TMEM182: variants seen among roughly 807,000 people sequenced by gnomAD.
TMEM182 encodes transmembrane protein 182.
In TMEM182, 20 loss-of-function variants were observed where a neutral mutation model predicts 26.8. The observed-to-expected ratio is 0.75, with a 90% CI of 0.53 to 1.09. The LOEUF is 1.09. Among genes scored for constraint, TMEM182 ranks in the 50% least tolerant of loss-of-function variants. TMEM182 has a pLI of 0.00. For missense variants in TMEM182, 277 were observed against 275.5 expected (o/e 1.01, Z -0.04); for synonymous variants, 109 against 102.2 (o/e 1.07, Z -0.40).
intron 3 of TMEM182, among the ~76,000 whole-genome samples, chr2:102,842,872 C>G (rs1461247136): frequency 6.6e-6 from 1 of 152,130 alleles, no homozygotes; most frequent in East Asian, 1.9e-4. Flanking sequence ...ACCACCCTCC[C>G]TTTGGGTGGT....
intron 3 of TMEM182, among the ~76,000 whole-genome samples, chr2:102,796,519 T>C (rs991841831): frequency 6.6e-5 from 10 of 152,200 alleles, no homozygotes; most frequent in Non-Finnish European, 1.3e-4. Flanking sequence ...CCTAATAAAC[T>C]ATGGTAGGAC....
chr2:102,775,874 T>C lies in TMEM182; in HGVS notation c.331+11447T>C, dbSNP rs997408207. ...TTCAAGGAGATTTCTTTCATCAGTA[T>C]TTTGCAGGTTTTAGCACACAAATAC... is the stretch of plus-strand genomic sequence containing the variant. On this transcript the variant is annotated intron_variant, in intron 3 of 4. Transcript: ENST00000412401. Among the ~76,000 whole-genome samples, 26 of 152,178 alleles carry C rather than the reference T, an allele frequency of 1.7e-4. 1 individual carries two copies. Among genetic ancestry groups the C allele is most frequent in the Non-Finnish European group, 8.8e-5 (6 of 68,014 alleles).
At chr2:102,765,763 T>C (rs2732842) in intron 3 of TMEM182, among the ~76,000 whole-genome samples, 36,445 of 152,074 alleles carry the variant, frequency 0.24, 4,442 homozygotes, top group South Asian at 0.28. Context: ...CAGCTGTGCT[T>C]GTCCACCAGG....
intron 3 of TMEM182, among the ~76,000 whole-genome samples, chr2:102,780,791 A>C (rs976287553): frequency 1.1e-4 from 17 of 152,156 alleles, no homozygotes; most frequent in Admixed American, 3.3e-4. Context: ...TTTTGCTTGT[A>C]GCGGTGGGAC....
At chr2:102,803,784 G>A (rs1048113826) in intron 4 of TMEM182, among the ~76,000 whole-genome samples, 5 of 152,142 alleles carry the variant, frequency 3.3e-5, no homozygotes, top group Non-Finnish European at 7.4e-5. Flanking sequence ...GAGTGTGTGG[G>A]GCAAGTCAAG....
At chr2:102,780,424 C>G (rs2110666) in intron 3 of TMEM182, among the ~76,000 whole-genome samples, 85,175 of 151,802 alleles carry the variant, frequency 0.56, 24,815 homozygotes, top group African/African-American at 0.72. Flanking sequence ...TCCTCTGATA[C>G]CAGTCTCGCT....
At chr2:102,784,205 A>G (rs1004968994) in intron 3 of TMEM182, among the ~76,000 whole-genome samples, 1 of 152,176 alleles carries the variant, frequency 6.6e-6, no homozygotes, top group Non-Finnish European at 1.5e-5. Context: ...TCCCTTGATC[A>G]TGTCAATTTC....
At chr2:102,823,505 G>T (rs1233204738) in intron 3 of TMEM182, among the ~76,000 whole-genome samples, 2 of 151,834 alleles carry the variant, frequency 1.3e-5, no homozygotes, top group Non-Finnish European at 2.9e-5. Flanking sequence ...CTAATTTTTT[G>T]TATTTTTTTA....
intron 3 of TMEM182, among the ~76,000 whole-genome samples, chr2:102,839,859 G>A (rs1027128484): frequency 6.6e-6 from 1 of 152,166 alleles, no homozygotes; most frequent in South Asian, 2.1e-4. Context: ...AGCACAGAAG[G>A]TTAGAGGATC....
chr2:102,813,782 T>C (rs779641071), intron 4 of TMEM182, among the ~76,000 whole-genome samples: 23 of 152,202 alleles, frequency 1.5e-4, no homozygotes, highest in Non-Finnish European at 2.5e-4. Context: ...ACTGTAATAC[T>C]TCATCTAATT....
intron 3 of TMEM182, among the ~76,000 whole-genome samples, chr2:102,788,365 G>T (rs994194977): frequency 3.3e-5 from 5 of 152,164 alleles, no homozygotes; most frequent in Admixed American, 3.3e-4. Flanking sequence ...TGAGGGAGAC[G>T]CGGGCAGGGG....
intron 3 of TMEM182, among the ~76,000 whole-genome samples, chr2:102,823,436 G>C (rs562423434): frequency 1.3e-5 from 2 of 152,030 alleles, no homozygotes; most frequent in Non-Finnish European, 2.9e-5. Context: ...GGGTTCAAGC[G>C]ATTCTCCTGC....
At chr2:102,837,880 A>G (rs1573582892) in intron 3 of TMEM182, among the ~76,000 whole-genome samples, 1 of 152,240 alleles carries the variant, frequency 6.6e-6, no homozygotes, top group Admixed American at 6.5e-5. Flanking sequence ...AGGGTTCCTC[A>G]CCCTTAGGGC....
exon 1 of TMEM182, chr2:102,736,975 G>T: frequency 1.3e-6 from 1 of 763,724 alleles, no homozygotes. Flanking sequence ...GGGAGTTCTG[G>T]TCTCAGGCAA....
intron 3 of TMEM182, among the ~76,000 whole-genome samples, chr2:102,840,779 A>G (rs918385069): frequency 2.0e-5 from 3 of 152,174 alleles, no homozygotes; most frequent in Non-Finnish European, 4.4e-5. Flanking sequence ...TAATCCTTCA[A>G]TTTTTATAAC....
intron 3 of TMEM182, among the ~76,000 whole-genome samples, chr2:102,774,833 G>C (rs10204894): frequency 4.6e-5 from 7 of 152,060 alleles, no homozygotes; most frequent in Non-Finnish European, 1.0e-4. Flanking sequence ...TCCTCTGCTA[G>C]TACCACATCA....
Position 102,773,165 on chromosome 2 carries a change from C to CCAGACACTTAT in TMEM182, c.331+8739_331+8749dup, listed in dbSNP as rs1680752515. Reference sequence around the variant, plus strand: ...ATATTTTTTGAGCACATACTATATGCCAGACACTTATTTTAGGTTCTGGGG... The same window carrying CCAGACACTTAT: ...ATATTTTTTGAGCACATACTATATGCCAGACACTTATCAGACACTTATTTTAGGTTCTGGGG... On this transcript the variant is annotated intron_variant, in intron 3 of 4. Transcript: ENST00000412401. Among the ~76,000 whole-genome samples the CCAGACACTTAT allele has an allele frequency of 2.0e-5, 3 of 152,056 alleles. No individual in the cohort carries two copies. The South Asian group carries it at 6.2e-4, about 32-fold the overall frequency.
chr2:102,775,908 T>C (rs1344112728), intron 3 of TMEM182, among the ~76,000 whole-genome samples: 5 of 152,216 alleles, frequency 3.3e-5, no homozygotes, highest in Admixed American at 2.6e-4. Context: ...ACTATGTGTT[T>C]TGTTATATTT....
At chr2:102,746,141 C>T (rs934699282) in intron 1 of TMEM182, among the ~76,000 whole-genome samples, 7 of 152,108 alleles carry the variant, frequency 4.6e-5, no homozygotes, top group Admixed American at 1.3e-4. Flanking sequence ...CTAGTGGATG[C>T]GAGGTAGTAT....
Sources: gnomAD v4.1 joint callset for allele counts (sites outside exome capture counted in the v4.1 genomes callset) on GRCh38, gnomAD v4.1.1 for gene constraint, MANE v1.5 for transcripts, NCBI Gene and HGNC (gene_info 2026-07-23, HGNC 2026-07-21) for gene names.